SOX5: variants seen among roughly 807,000 people sequenced by gnomAD.
The protein encoded by SOX5 is transcription factor SOX-5.
A neutral mutation model predicts 92.0 loss-of-function variants in SOX5; 9 were observed. That is an observed-to-expected ratio of 0.10 (90% CI 0.06 to 0.17). The LOEUF is 0.17. Ranked by LOEUF, SOX5 falls within the 10% of genes least tolerant of loss-of-function variation. The probability of loss-of-function intolerance (pLI) is 1.00; values close to 1 mark genes in which losing one functional copy is unlikely to be tolerated. For synonymous variants in SOX5, 344 were observed against 336.3 expected (o/e 1.02, Z -0.25); for missense variants, 642 against 944.5 (o/e 0.68, Z 4.20).
chr12:23,976,825 T>C (rs1012096494), intron 4 of SOX5, among the ~76,000 whole-genome samples: 1 of 152,026 alleles, frequency 6.6e-6, no homozygotes, highest in Non-Finnish European at 1.5e-5. Flanking sequence ...TTGTTTTTTT[T>C]TTTAAAACAA....
intron 4 of SOX5, among the ~76,000 whole-genome samples, chr12:24,191,702 G>T (rs532483689): frequency 3.3e-5 from 5 of 152,136 alleles, no homozygotes; most frequent in Admixed American, 2.0e-4. Flanking sequence ...GTGACAACTG[G>T]GCCCTGATTC....
rs1196088071 is a variant in SOX5, at chr12:24,307,637, T to C, written c.-173-30325A>G. The stretch of plus-strand genomic sequence containing the variant: ...GTACTTTACTTGGTTTCATTCCTGC[T>C]CTAAAGCTTTTTAATAAACGTTCAC... On this transcript the variant is annotated intron_variant, in intron 2 of 4. Coordinates refer to the SOX5 transcript ENST00000446891. 4.2e-5 allele frequency among the ~76,000 whole-genome samples: 3 copies of C among 72,262 alleles called. 1 individual carries two copies. Among genetic ancestry groups the C allele is most frequent in the African/African-American group, 1.0e-4 (3 of 28,584 alleles). The allele number at this position is 72,262 out of a possible 152,430, so 47.4% of individuals were successfully genotyped here.
rs535392158 is a variant in SOX5, at chr12:23,537,920, C to A, written c.1772-1251G>T. Reference sequence around the variant, plus strand: ...GTTCGGATTGAGAGGTGACAGCGTGCTGGCAGCCCTCAGTAGTAATAGCGT... The same window carrying A: ...GTTCGGATTGAGAGGTGACAGCGTGATGGCAGCCCTCAGTAGTAATAGCGT... On this transcript the variant is annotated intron_variant, in intron 13 of 14. Transcript: ENST00000451604. Among the ~76,000 whole-genome samples, 11 of 149,268 alleles carry A rather than the reference C, an allele frequency of 7.4e-5. No homozygotes were observed. In the East Asian group the frequency reaches 1.0e-3, roughly 14 times the overall value.
intron 4 of SOX5, among the ~76,000 whole-genome samples, chr12:24,114,751 G>C (rs1027622415): frequency 2.0e-5 from 3 of 151,926 alleles, no homozygotes; most frequent in Non-Finnish European, 4.4e-5. Flanking sequence ...AGACCAGCCT[G>C]GGCAATGCAG....
intron 3 of SOX5, among the ~76,000 whole-genome samples, chr12:23,757,727 C>G (rs903685733): frequency 6.6e-6 from 1 of 151,892 alleles, no homozygotes; most frequent in African/African-American, 2.4e-5. Context: ...TAACAATAGG[C>G]CCCTGAACCT....
At chr12:24,557,375 C>T (rs1438086450) in intron 1 of SOX5, among the ~76,000 whole-genome samples, 1 of 143,000 alleles carries the variant, frequency 7.0e-6, no homozygotes, top group Non-Finnish European at 1.5e-5. Context: ...GCACTCCAGC[C>T]TGGTGGCAGA....
At chr12:24,405,462 GC>G (rs1427222539) in intron 1 of SOX5, among the ~76,000 whole-genome samples, 2 of 152,170 alleles carry the variant, frequency 1.3e-5, no homozygotes, top group South Asian at 4.1e-4. Context: ...AGGTTCGAAA[GC>G]CTAATGCCCC....
chr12:23,562,773 A>G (rs760777305), intron 11 of SOX5, among the ~76,000 whole-genome samples: 1 of 152,226 alleles, frequency 6.6e-6, no homozygotes, highest in Non-Finnish European at 1.5e-5. Flanking sequence ...TAAAGTAAAA[A>G]TTTCCAGTTG....
chr12:23,903,505 C>T (rs2097259118), intron 1 of SOX5, among the ~76,000 whole-genome samples: 1 of 152,150 alleles, frequency 6.6e-6, no homozygotes, highest in South Asian at 2.1e-4. Flanking sequence ...ATTGCTTGAG[C>T]CCAGGAGAGC....
intron 2 of SOX5, among the ~76,000 whole-genome samples, chr12:24,331,574 G>A (rs970454826): frequency 1.3e-5 from 2 of 152,042 alleles, no homozygotes; most frequent in Non-Finnish European, 1.5e-5. Context: ...TACAGGCCGG[G>A]CGTGGTGGCT....
At chr12:24,532,379 G>A (rs1951275407) in intron 1 of SOX5, among the ~76,000 whole-genome samples, 1 of 152,060 alleles carries the variant, frequency 6.6e-6, no homozygotes, top group Non-Finnish European at 1.5e-5. Context: ...ACTACGTGGG[G>A]GTCACTGAAG....
At chr12:23,771,285 T>C (rs1165875699) in intron 3 of SOX5, among the ~76,000 whole-genome samples, 2 of 152,044 alleles carry the variant, frequency 1.3e-5, no homozygotes, top group Non-Finnish European at 2.9e-5. Context: ...TTTTCTTATA[T>C]TTGTGTAGCT....
At chr12:24,016,415 T>A (rs1323381085) in intron 4 of SOX5, among the ~76,000 whole-genome samples, 1 of 152,016 alleles carries the variant, frequency 6.6e-6, no homozygotes, top group Non-Finnish European at 1.5e-5. Flanking sequence ...GAACTAATGG[T>A]CCCAGGACTT....
At chr12:23,979,936 G>A (rs1295903357) in intron 4 of SOX5, among the ~76,000 whole-genome samples, 2 of 129,788 alleles carry the variant, frequency 1.5e-5, no homozygotes, top group Admixed American at 1.5e-4. Context: ...CAGACAGACA[G>A]ATAGATAGAT....
At chr12:24,411,634 C>G (rs78510325) in intron 1 of SOX5, among the ~76,000 whole-genome samples, 34 of 152,088 alleles carry the variant, frequency 2.2e-4, no homozygotes, top group Non-Finnish European at 3.4e-4. Flanking sequence ...ACTGAGCCAG[C>G]CTTGAATCCC....
rs575497389 is a variant in SOX5 at position 24,355,331 on chromosome 12, G to T, written c.-174+13232C>A. On this transcript the variant is annotated intron_variant, in intron 2 of 4. Coordinates refer to the SOX5 transcript ENST00000446891. ...TTTTTTTTTTTTTTTTTTTTGAGAT[G>T]GAGTCTCGCTCTGTCACCCAGGCTG... Among the ~76,000 whole-genome samples, 11 of 81,242 alleles carry T rather than the reference G, an allele frequency of 1.4e-4. 1 individual carries two copies. Among genetic ancestry groups the T allele is most frequent in the Admixed American group, 3.7e-4 (2 of 5,340 alleles). The allele number at this position is 81,242 out of a possible 152,430, so 53.3% of individuals were successfully genotyped here. A position where few individuals can be genotyped will look rare whatever the true frequency, so the allele number is the denominator to read the frequency against.
At chr12:24,465,827 C>A (rs1411513811) in intron 1 of SOX5, among the ~76,000 whole-genome samples, 1 of 152,198 alleles carries the variant, frequency 6.6e-6, no homozygotes, top group African/African-American at 2.4e-5. Flanking sequence ...ACCATCCCAA[C>A]CCCACAGAGG....
chr12:23,832,896 A>T (rs942262265), intron 3 of SOX5, among the ~76,000 whole-genome samples: 11 of 151,974 alleles, frequency 7.2e-5, no homozygotes, highest in African/African-American at 2.7e-4. Flanking sequence ...AAATATTGCT[A>T]AATATCTGTA....
chr12:24,190,395 T>C (rs1181538236), intron 4 of SOX5, among the ~76,000 whole-genome samples: 1 of 152,236 alleles, frequency 6.6e-6, no homozygotes, highest in African/African-American at 2.4e-5. Flanking sequence ...GATGCATTCC[T>C]GCAATTTAAG....
Sources: gnomAD v4.1 joint callset for allele counts (sites outside exome capture counted in the v4.1 genomes callset) on GRCh38, gnomAD v4.1.1 for gene constraint, MANE v1.5 for transcripts, NCBI Gene and HGNC (gene_info 2026-07-23, HGNC 2026-07-21) for gene names.